CCDC178: variants seen among roughly 807,000 people sequenced by gnomAD.
CCDC178 encodes coiled-coil domain-containing protein 178.
CCDC178 carries 126 observed loss-of-function variants against 117.4 expected under a neutral mutation model. The observed-to-expected ratio is 1.07, with a 90% confidence interval of 0.93 to 1.24. The LOEUF (loss-of-function observed/expected upper bound fraction) is 1.24. Ranked by LOEUF, CCDC178 falls within the 50% of genes most tolerant of loss-of-function variation. CCDC178 has a pLI of 0.00. For synonymous variants in CCDC178, 283 were observed against 313.4 expected, an observed-to-expected ratio of 0.90 and a Z score of 1.02; for missense variants, 1,030 against 986.9, an observed-to-expected ratio of 1.04 and a Z score of -0.59.
At chr18:33,314,350 T>TA (rs2062389410) in intron 11 of CCDC178, among the ~76,000 whole-genome samples, 1 of 150,700 alleles carries the variant, frequency 6.6e-6, no homozygotes, top group Non-Finnish European at 1.5e-5. Flanking sequence ...GGTGCCTACA[T>TA]ACCGCCTGGA....
intron 20 of CCDC178, among the ~76,000 whole-genome samples, chr18:33,199,549 C>T (rs2058969579): frequency 6.6e-6 from 1 of 152,106 alleles, no homozygotes; most frequent in Non-Finnish European, 1.5e-5. Flanking sequence ...CCATTCATAC[C>T]CATGGACACC....
At chr18:33,432,825 T>G (rs1380986996) in intron 2 of CCDC178, among the ~76,000 whole-genome samples, 1 of 152,222 alleles carries the variant, frequency 6.6e-6, no homozygotes, top group Non-Finnish European at 1.5e-5. Context: ...CTTGAACTTT[T>G]TCAAATCTAC....
intron 3 of CCDC178, among the ~76,000 whole-genome samples, chr18:33,406,507 GGAGATGAAAA>G (rs1350733362): frequency 2.0e-5 from 3 of 151,926 alleles, no homozygotes; most frequent in African/African-American, 7.2e-5. Flanking sequence ...CCAAATTTGA[GGAGATGAAAA>G]GAGAAACAGA....
intron 5 of CCDC178, among the ~76,000 whole-genome samples, chr18:33,376,889 T>C (rs1382247106): frequency 6.6e-6 from 1 of 152,232 alleles, no homozygotes; most frequent in Non-Finnish European, 1.5e-5. Flanking sequence ...TCTTTGCTAT[T>C]GCAAATAATG....
chr18:33,314,226 A>AAG (rs2062386667), intron 11 of CCDC178, among the ~76,000 whole-genome samples: 1 of 138,176 alleles, frequency 7.2e-6, no homozygotes, highest in Non-Finnish European at 1.5e-5. Flanking sequence ...AAAAAAAAAA[A>AAG]AAAAAAAGAA....
intron 20 of CCDC178, among the ~76,000 whole-genome samples, chr18:33,169,000 A>T (rs1055911800): frequency 6.6e-6 from 1 of 152,190 alleles, no homozygotes; most frequent in Non-Finnish European, 1.5e-5. Context: ...CTTACATTAC[A>T]AGGGTAAATT....
chr18:32,976,698 T>C (rs1180653061), intron 21 of CCDC178, among the ~76,000 whole-genome samples: 4 of 152,058 alleles, frequency 2.6e-5, no homozygotes, highest in Admixed American at 2.0e-4. Context: ...GTCTTTATTA[T>C]TAAAATATGA....
chr18:33,235,992 G>A (rs1387213659), intron 15 of CCDC178, among the ~76,000 whole-genome samples: 1 of 152,154 alleles, frequency 6.6e-6, no homozygotes, highest in Admixed American at 6.5e-5. Flanking sequence ...TAAAAAATTA[G>A]AGAAAGTGCT....
chr18:33,214,253 C>T (rs1296783382), intron 19 of CCDC178, among the ~76,000 whole-genome samples: 2 of 152,088 alleles, frequency 1.3e-5, no homozygotes, highest in Non-Finnish European at 2.9e-5. Context: ...GTACCTGGCA[C>T]AATAGCAAGT....
intron 15 of CCDC178, 53 bp from the exon 16 acceptor site, chr18:33,226,908 A>C (rs925737098): frequency 1.0e-5 from 10 of 970,800 alleles, no homozygotes; most frequent in Middle Eastern, 2.2e-4. Context: ...AACATCAAAA[A>C]CATTTTTTAA....
chr18:33,072,877 G>T (rs1415640077), intron 21 of CCDC178, among the ~76,000 whole-genome samples: 1 of 152,040 alleles, frequency 6.6e-6, no homozygotes, highest in African/African-American at 2.4e-5. Flanking sequence ...GAACTGCTGG[G>T]ATTACAGGCA....
In CCDC178 at chr18:33,261,304, C is replaced by G. The variant is rs191178623; in HGVS notation, c.1409+5612G>C. On this transcript the variant is annotated intron_variant, in intron 14 of 22. Transcript: ENST00000383096. Reference sequence around the variant, plus strand: ...TTCACCGTGTTAGCCAGGATGGTCTCGATCTCCTGACCTCGTGATCCGCCC... The same window carrying G: ...TTCACCGTGTTAGCCAGGATGGTCTGGATCTCCTGACCTCGTGATCCGCCC... Among the ~76,000 whole-genome samples, 212 of 152,214 alleles carry G rather than the reference C, an allele frequency of 1.4e-3. 1 individual carries two copies. The highest frequency in any genetic ancestry group is 9.4e-4 in the Non-Finnish European group (64 of 68,008).
At chr18:33,314,382 T>C (rs2144967181) in intron 11 of CCDC178, among the ~76,000 whole-genome samples, 1 of 152,132 alleles carries the variant, frequency 6.6e-6, no homozygotes, top group African/African-American at 2.4e-5. Context: ...TCGGGTAAAG[T>C]AAAGCACACC....
chr18:33,329,991 A>T (rs528512826), intron 10 of CCDC178, among the ~76,000 whole-genome samples: 1 of 142,940 alleles, frequency 7.0e-6, no homozygotes, highest in Non-Finnish European at 1.5e-5. Context: ...GAGGTGGTTA[A>T]TCACTTATTC....
intron 12 of CCDC178, among the ~76,000 whole-genome samples, chr18:33,270,931 T>A (rs1242511046): frequency 6.6e-6 from 1 of 151,532 alleles, no homozygotes; most frequent in Non-Finnish European, 1.5e-5. Context: ...TCACACAATG[T>A]ATAAAGATAT....
At chr18:33,383,963 T>A (rs192380305) in intron 5 of CCDC178, among the ~76,000 whole-genome samples, 1 of 152,086 alleles carries the variant, frequency 6.6e-6, no homozygotes, top group African/African-American at 2.4e-5. Context: ...CTAAGAACCA[T>A]GATAAAAGAT....
At chr18:33,307,106 G>T (rs776899620) in intron 11 of CCDC178, among the ~76,000 whole-genome samples, 3 of 152,184 alleles carry the variant, frequency 2.0e-5, no homozygotes, top group Admixed American at 6.5e-5. Flanking sequence ...CAGTAAATTG[G>T]TACCAGTAGA....
At chr18:33,116,335 G>A (rs1214994324) in intron 20 of CCDC178, among the ~76,000 whole-genome samples, 2 of 152,276 alleles carry the variant, frequency 1.3e-5, no homozygotes, top group East Asian at 3.9e-4. Flanking sequence ...AGGCAAAGAT[G>A]TTCTAAATTA....
intron 2 of CCDC178, among the ~76,000 whole-genome samples, chr18:33,418,811 T>C (rs1325663286): frequency 6.6e-6 from 1 of 152,114 alleles, no homozygotes; most frequent in Admixed American, 6.5e-5. Flanking sequence ...CAATGAGAAT[T>C]ATAAAACACT....
Sources: gnomAD v4.1 joint callset for allele counts (sites outside exome capture counted in the v4.1 genomes callset) on GRCh38, gnomAD v4.1.1 for gene constraint, MANE v1.5 for transcripts, NCBI Gene and HGNC (gene_info 2026-07-23, HGNC 2026-07-21) for gene names.